The following ATP11A variants were observed in gnomAD, a reference collection of about 807,000 sequenced individuals.
ATP11A encodes the protein ATPase phospholipid transporting 11A.
ATP11A carries 81 observed loss-of-function variants against 154.4 expected under a neutral mutation model. The ratio of observed to expected loss-of-function variants is 0.52; its 90% CI spans 0.44 to 0.63. The LOEUF (loss-of-function observed/expected upper bound fraction) is 0.63, where lower values mean the gene tolerates loss of function less well. Among genes scored for constraint, ATP11A ranks in the 30% least tolerant of loss-of-function variants. ATP11A has a pLI of 0.00. For synonymous variants in ATP11A, 623 were observed against 585.9 expected (o/e 1.06, Z -0.91); for missense variants, 1,316 against 1,474.3 (o/e 0.89, Z 1.76).
intron 2 of ATP11A, among the ~76,000 whole-genome samples, chr13:112,802,353 AAAAAG>A (rs2078160359): frequency 6.6e-6 from 1 of 152,134 alleles, no homozygotes; most frequent in Admixed American, 6.5e-5. Flanking sequence ...CTCACAAAAA[AAAAAG>A]AAAAGAATAG....
At chr13:112,740,225 G>A (rs1234642893) in intron 1 of ATP11A, among the ~76,000 whole-genome samples, 1 of 151,284 alleles carries the variant, frequency 6.6e-6, no homozygotes, top group Non-Finnish European at 1.5e-5. Flanking sequence ...TGTTGCCCAG[G>A]CTGGAGTGGA....
intron 1 of ATP11A, among the ~76,000 whole-genome samples, chr13:112,744,669 T>C (rs1431032430): frequency 6.6e-5 from 10 of 152,196 alleles, no homozygotes; most frequent in Non-Finnish European, 1.5e-5. Context: ...GGTGTTTTGC[T>C]TTTGCCAGGA....
Position 112,754,510 on chromosome 13 carries a change from C to T in ATP11A, c.40-30625C>T, listed in dbSNP as rs142038213. 3.9e-3 allele frequency: 580 copies of T among 149,064 alleles called. 5 individuals are homozygous for T. The highest frequency in any genetic ancestry group is 0.016 in the African/African-American group (558 of 35,128). 9.2% of individuals were successfully genotyped at this position (149,064 alleles called of 1,614,324 possible). On this transcript the variant is annotated intron_variant, in intron 1 of 29. Transcript: ENST00000375645. This position sits in a 1 kb window ranked among gnomAD's most constrained non-coding sequence, Gnocchi z 5.3. Reference sequence around the variant, plus strand: ...CTAATTCACCTGCCAAAGCTGCATGCTTGGAAAGTGGTGCTTAGAGCCAGG... The same window carrying T: ...CTAATTCACCTGCCAAAGCTGCATGTTTGGAAAGTGGTGCTTAGAGCCAGG...
chr13:112,839,040 G>A (rs1198829775), intron 16 of ATP11A, among the ~76,000 whole-genome samples: 1 of 152,138 alleles, frequency 6.6e-6, no homozygotes, highest in African/African-American at 2.4e-5. Context: ...CTCCCATGAT[G>A]TCCGCAGGAC....
rs139530157 is a variant in ATP11A, at chr13:112,819,857, C to T, written c.675-43C>T. The T allele has an allele frequency of 6.6e-5, 106 of 1,612,480 alleles. No individual in the cohort carries two copies. The East Asian group carries it at 2.0e-3, about 30-fold the overall frequency. ...GGCCAGGCGCGCGCTTCCCGGGGGCCGCTGGGCGCGTCCGGTCAGTAACGT... is the reference window on the plus strand; with the variant it reads ...GGCCAGGCGCGCGCTTCCCGGGGGCTGCTGGGCGCGTCCGGTCAGTAACGT... On this transcript the variant is annotated intron_variant, in intron 7 of 29. Coordinates refer to ENST00000375645, the MANE Select transcript of ATP11A (RefSeq NM_015205.3).
chr13:112,706,922 C>T (rs867738839), intron 1 of ATP11A, among the ~76,000 whole-genome samples: 10 of 152,108 alleles, frequency 6.6e-5, no homozygotes, highest in African/African-American at 1.9e-4. Flanking sequence ...TGCTTTTTTG[C>T]GACTGAGTTA....
intron 19 of ATP11A, among the ~76,000 whole-genome samples, chr13:112,854,904 T>C (rs939464751): frequency 1.1e-4 from 16 of 152,336 alleles, no homozygotes; most frequent in Admixed American, 9.8e-4. Flanking sequence ...AGTGGAGATA[T>C]TAATAATGCA....
At chr13:112,750,355 C>T (rs1347662853) in intron 1 of ATP11A, among the ~76,000 whole-genome samples, 7 of 27,874 alleles carry the variant, frequency 2.5e-4, no homozygotes, top group Non-Finnish European at 6.9e-5. Flanking sequence ...CTGAAGGATG[C>T]GGGTTTGAAT....
chr13:112,874,454 T>A (rs1594249503), intron 27 of ATP11A, among the ~76,000 whole-genome samples: 1 of 152,142 alleles, frequency 6.6e-6, no homozygotes, highest in Non-Finnish European at 1.5e-5. Flanking sequence ...GGCAGGGTGG[T>A]CAGTCTAGAG....
rs932873425 is a variant in ATP11A, at chr13:112,835,103, G to A, written c.1631+443G>A. ...CGTGCTGGGAGCACAGCGTCGTGTC[G>A]AAAACAGTTTGCACAGTTACGCTTT... On this transcript the variant is annotated intron_variant, in intron 15 of 29. Coordinates refer to ENST00000375645, the MANE Select transcript of ATP11A (RefSeq NM_015205.3). 7.9e-5 allele frequency among the ~76,000 whole-genome samples: 12 copies of A among 152,316 alleles called. No homozygotes were observed. The South Asian group carries it at 1.9e-3, about 24-fold the overall frequency.
chr13:112,711,818 A>C (rs1360560161), intron 1 of ATP11A, among the ~76,000 whole-genome samples: 1 of 152,198 alleles, frequency 6.6e-6, no homozygotes, highest in African/African-American at 2.4e-5. Flanking sequence ...ATTGCTGTGA[A>C]CGTAGGGGAG....
intron 2 of ATP11A, among the ~76,000 whole-genome samples, chr13:112,801,413 T>C (rs2078128354): frequency 6.6e-6 from 1 of 152,108 alleles, no homozygotes; most frequent in Non-Finnish European, 1.5e-5. Flanking sequence ...ACTGTTCTTA[T>C]GCAGCATTGT....
At chr13:112,694,630 C>G (rs937060229) in intron 1 of ATP11A, among the ~76,000 whole-genome samples, 1 of 152,168 alleles carries the variant, frequency 6.6e-6, no homozygotes, top group Non-Finnish European at 1.5e-5. Context: ...TTCTGTGGGT[C>G]AAGAACTCAG....
At chr13:112,788,898 T>C (rs879140184) in intron 2 of ATP11A, among the ~76,000 whole-genome samples, 2 of 149,940 alleles carry the variant, frequency 1.3e-5, no homozygotes, top group African/African-American at 2.5e-5. Context: ...TGTAGACCTA[T>C]TTAATTCACA....
intron 1 of ATP11A, among the ~76,000 whole-genome samples, chr13:112,776,785 C>T (rs774307505): frequency 3.3e-5 from 5 of 152,160 alleles, no homozygotes; most frequent in East Asian, 3.9e-4. Flanking sequence ...TTAGTAGAGA[C>T]GAGGTTTCGC....
At chr13:112,740,178 A>T (rs1440425931) in intron 1 of ATP11A, among the ~76,000 whole-genome samples, 1 of 150,318 alleles carries the variant, frequency 6.7e-6, no homozygotes, top group African/African-American at 2.4e-5. Context: ...ATAGATATCT[A>T]TATGTATATA....
intron 1 of ATP11A, among the ~76,000 whole-genome samples, chr13:112,752,206 G>T (rs907003447): frequency 3.3e-5 from 5 of 152,358 alleles, no homozygotes; most frequent in Non-Finnish European, 7.3e-5. Context: ...ACGTCTGGCA[G>T]CAGAGAAGTC....
intron 1 of ATP11A, among the ~76,000 whole-genome samples, chr13:112,752,335 C>T (rs933717031): frequency 1.3e-5 from 2 of 152,158 alleles, no homozygotes; most frequent in South Asian, 2.1e-4. Context: ...TCAGGAAGGC[C>T]TCCTGCGAGG....
intron 1 of ATP11A, among the ~76,000 whole-genome samples, chr13:112,749,716 C>T (rs2076646826): frequency 2.0e-5 from 3 of 150,620 alleles, no homozygotes; most frequent in African/African-American, 7.4e-5. Flanking sequence ...GTTGAATCCC[C>T]TTCAGCCTCT....
Sources: allele counts gnomAD v4.1 joint callset (sites outside exome capture counted in the v4.1 genomes callset), GRCh38; gene constraint gnomAD v4.1.1; non-coding constraint Gnocchi (gnomAD v3.1); transcripts MANE v1.5; gene names NCBI Gene and HGNC (gene_info 2026-07-23, HGNC 2026-07-21).